Variants in SSH2 observed in about 807,000 individuals in gnomAD.
SSH2 encodes protein phosphatase Slingshot homolog 2.
In SSH2, 37 loss-of-function variants were observed where a neutral mutation model predicts 135.2. The observed-to-expected ratio is 0.27, with a 90% confidence interval of 0.21 to 0.36. The LOEUF (loss-of-function observed/expected upper bound fraction) is 0.36. SSH2 is among the 10% of genes least tolerant of loss of function. SSH2 has a pLI of 1.00. For missense variants in SSH2, 1,408 were observed against 1,765.3 expected (o/e 0.80, Z 3.63); for synonymous variants, 628 against 646.2 (o/e 0.97, Z 0.43).
intron 4 of SSH2, among the ~76,000 whole-genome samples, chr17:29,701,448 C>T (rs1274841261): frequency 6.9e-6 from 1 of 145,248 alleles, no homozygotes; most frequent in Non-Finnish European, 1.5e-5. Context: ...CCCACTCTGT[C>T]ACCAAGGCTG....
At chr17:29,698,095 C>A (rs776142355) in intron 4 of SSH2, among the ~76,000 whole-genome samples, 17 of 152,154 alleles carry the variant, frequency 1.1e-4, no homozygotes, top group Non-Finnish European at 2.4e-4. Flanking sequence ...ACTCAAAAAT[C>A]CATTCATATG....
chr17:29,662,601 T>C (rs1435875604), intron 11 of SSH2, among the ~76,000 whole-genome samples: 1 of 152,214 alleles, frequency 6.6e-6, no homozygotes, highest in Non-Finnish European at 1.5e-5. Context: ...TCTGTTTCTC[T>C]TCATCTACAT....
intron 1 of SSH2, among the ~76,000 whole-genome samples, chr17:29,860,294 C>T (rs757041125): frequency 6.6e-6 from 1 of 152,124 alleles, no homozygotes; most frequent in Non-Finnish European, 1.5e-5. Flanking sequence ...TAATAATAGC[C>T]ATTCTGACTG....
intron 2 of SSH2, among the ~76,000 whole-genome samples, chr17:29,834,796 T>G (rs1312786005): frequency 1.3e-5 from 2 of 152,188 alleles, no homozygotes; most frequent in Non-Finnish European, 2.9e-5. Context: ...ATTCATTTAA[T>G]ATTAATTATA....
At chr17:29,699,081 A>T (rs2038878633) in intron 4 of SSH2, among the ~76,000 whole-genome samples, 2 of 152,318 alleles carry the variant, frequency 1.3e-5, no homozygotes, top group African/African-American at 2.4e-5. Flanking sequence ...CTACTGGGCA[A>T]CTGTTCTTCA....
chr17:29,890,589 T>C (rs1039788975), intron 1 of SSH2, among the ~76,000 whole-genome samples: 5 of 152,136 alleles, frequency 3.3e-5, no homozygotes, highest in African/African-American at 7.2e-5. Flanking sequence ...AGGGAAGTTA[T>C]AGAGACAGAG....
intron 3 of SSH2, among the ~76,000 whole-genome samples, chr17:29,723,139 TC>T: frequency 6.6e-6 from 1 of 152,014 alleles, no homozygotes; most frequent in African/African-American, 2.4e-5. Flanking sequence ...AGATATCCCA[TC>T]TCTGTGGGAG....
At chr17:29,907,523 A>G (rs1268518395) in intron 1 of SSH2, among the ~76,000 whole-genome samples, 1 of 152,222 alleles carries the variant, frequency 6.6e-6, no homozygotes, top group Non-Finnish European at 1.5e-5. Flanking sequence ...CTGAAGGAAA[A>G]AAAGAAAAAA....
chr17:29,725,665 G>GC (rs1598884218), intron 3 of SSH2, among the ~76,000 whole-genome samples: 1 of 152,294 alleles, frequency 6.6e-6, no homozygotes, highest in Non-Finnish European at 1.5e-5. Flanking sequence ...ACCAAACACT[G>GC]CATGTTCTCA....
chr17:29,850,125 CTA>C (rs2065529123), intron 1 of SSH2, among the ~76,000 whole-genome samples: 2 of 151,498 alleles, frequency 1.3e-5, no homozygotes, highest in African/African-American at 4.8e-5. Flanking sequence ...CTTCTGTTCT[CTA>C]ATCTCTTTCT....
intron 5 of SSH2, among the ~76,000 whole-genome samples, chr17:29,686,955 G>A (rs760669122): frequency 6.6e-6 from 1 of 152,196 alleles, no homozygotes; most frequent in African/African-American, 2.4e-5. Flanking sequence ...GATTACAGGC[G>A]TGAGCCACCC....
chr17:29,759,781 A>G (rs1310508764), intron 3 of SSH2, among the ~76,000 whole-genome samples: 7 of 152,218 alleles, frequency 4.6e-5, no homozygotes, highest in Admixed American at 4.6e-4. Context: ...ATATTCTACT[A>G]TATGTACATA....
Position 29,849,035 on chromosome 17 carries a change from G to A in SSH2, c.64-106C>T, listed in dbSNP as rs992725770. ...GAGTCAGTGGTGTTAGCTCACAGGT[G>A]AGAAGCTGCAATTCTGATTAGTGAT... On this transcript the variant is annotated intron_variant, in intron 1 of 15. Coordinates refer to ENST00000540801, the MANE Select transcript of SSH2 (RefSeq NM_001282129.2). 10 of 655,894 alleles carry A rather than the reference G, an allele frequency of 1.5e-5. No individual in the cohort carries two copies. The Middle Eastern group carries it at 1.0e-3, about 65-fold the overall frequency. 40.6% of individuals were successfully genotyped at this position (655,894 alleles called of 1,614,324 possible).
intron 3 of SSH2, among the ~76,000 whole-genome samples, chr17:29,720,606 T>C (rs1174770750): frequency 6.6e-6 from 1 of 152,174 alleles, no homozygotes; most frequent in Non-Finnish European, 1.5e-5. Flanking sequence ...CTTCTTTTCG[T>C]AACTGTTTAA....
chr17:29,913,896 A>C (rs2066833612), intron 1 of SSH2, among the ~76,000 whole-genome samples: 1 of 152,050 alleles, frequency 6.6e-6, no homozygotes, highest in East Asian at 1.9e-4. Flanking sequence ...AGCCTCCCAA[A>C]GTGCTGGAAT....
intron 3 of SSH2, among the ~76,000 whole-genome samples, chr17:29,745,250 C>T (rs2040721293): frequency 6.6e-6 from 1 of 151,904 alleles, no homozygotes; most frequent in Non-Finnish European, 1.5e-5. Flanking sequence ...ACCTCTGCCT[C>T]CTGGGTTCAA....
intron 3 of SSH2, among the ~76,000 whole-genome samples, chr17:29,768,036 G>GT (rs2041487339): frequency 6.6e-6 from 1 of 152,010 alleles, no homozygotes; most frequent in Non-Finnish European, 1.5e-5. Flanking sequence ...AAAGAGTTTA[G>GT]TTTTTTATTT....
chr17:29,699,209 C>T (rs1173422099), intron 4 of SSH2, among the ~76,000 whole-genome samples: 1 of 152,194 alleles, frequency 6.6e-6, no homozygotes, highest in East Asian at 1.9e-4. Context: ...ATTTTATAGA[C>T]TTTTCATTGT....
At chr17:29,873,415 C>T (rs780971392) in intron 1 of SSH2, among the ~76,000 whole-genome samples, 1 of 151,980 alleles carries the variant, frequency 6.6e-6, no homozygotes, top group African/African-American at 2.4e-5. Flanking sequence ...AAAAACTAGC[C>T]GGGCATGGTG....
Sources: gnomAD v4.1 joint callset for allele counts (sites outside exome capture counted in the v4.1 genomes callset) on GRCh38, gnomAD v4.1.1 for gene constraint, MANE v1.5 for transcripts, NCBI Gene and HGNC (gene_info 2026-07-23, HGNC 2026-07-21) for gene names.